The following DCP2 variants were observed in gnomAD, a reference collection of about 807,000 sequenced individuals.
DCP2 encodes m7GpppN-mRNA hydrolase.
In DCP2, 30 loss-of-function variants were observed where a neutral mutation model predicts 56.1. That is an observed-to-expected ratio of 0.53 (90% CI 0.40 to 0.73). The LOEUF is 0.73. DCP2 is among the 30% of genes least tolerant of loss of function. The pLI, the probability that DCP2 is intolerant of heterozygous loss-of-function variation, is 0.00. For missense variants in DCP2, 533 were observed against 502.7 expected (o/e 1.06, Z -0.58); for synonymous variants, 197 against 163.3 (o/e 1.21, Z -1.57).
chr5:112,995,342 TCCTC>T (rs1189663131), intron 4 of DCP2, among the ~76,000 whole-genome samples: 1 of 152,192 alleles, frequency 6.6e-6, no homozygotes, highest in Admixed American at 6.5e-5. Context: ...ATTGTAAAAG[TCCTC>T]CCTTTTATTT....
intron 4 of DCP2, among the ~76,000 whole-genome samples, chr5:112,997,936 A>T (rs774951509): frequency 1.1e-4 from 16 of 152,028 alleles, no homozygotes; most frequent in African/African-American, 1.4e-4. Context: ...TTTAAAAAAA[A>T]TTTTATTTGT....
rs781644054 is a variant in DCP2, at chr5:112,976,946, C to A, written c.13C>A (p.Arg5=). The change falls in exon 1 of 11, where the codon CGG becomes AGG. Residue 5 remains arginine, a synonymous_variant. Transcript: ENST00000389063. ...GTGGGTCCTCATCATGGAGACCAAA[C>A]GGGTGGAGATTCCCGGCAGCGTCCT... is the stretch of plus-strand genomic sequence containing the variant. The part of the protein sequence containing the change: METK[R]VEIPGSVLDD... 3.7e-6 allele frequency: 6 copies of A among 1,604,562 alleles called. No individual in the cohort carries two copies. Among genetic ancestry groups the A allele is most frequent in the African/African-American group, 1.3e-5 (1 of 74,686 alleles).
At chr5:112,991,407 C>T (rs1748581617) in intron 2 of DCP2, among the ~76,000 whole-genome samples, 1 of 152,122 alleles carries the variant, frequency 6.6e-6, no homozygotes, top group Admixed American at 6.5e-5. Flanking sequence ...ATTTTACTTA[C>T]TTTACTATTA....
chr5:113,007,527 A>G (rs1489734955), intron 8 of DCP2, among the ~76,000 whole-genome samples: 2 of 151,584 alleles, frequency 1.3e-5, no homozygotes, highest in Admixed American at 1.3e-4. Flanking sequence ...CTGCCTCCTG[A>G]GTAGCTGGGA....
chr5:112,977,788 A>T (rs528383815), intron 1 of DCP2, among the ~76,000 whole-genome samples: 286 of 152,264 alleles, frequency 1.9e-3, no homozygotes, highest in Non-Finnish European at 3.4e-3. Flanking sequence ...GTGCAGTGAT[A>T]CCCGGAGTTG....
At chr5:112,987,341 A>C (rs867619318) in intron 2 of DCP2, among the ~76,000 whole-genome samples, 15 of 152,334 alleles carry the variant, frequency 9.8e-5, no homozygotes, top group Middle Eastern at 6.8e-3. Context: ...TGAATTGAAC[A>C]GCGTCCTCTC....
intron 10 of DCP2, among the ~76,000 whole-genome samples, chr5:113,011,516 C>T (rs1318006917): frequency 1.3e-5 from 2 of 152,178 alleles, no homozygotes; most frequent in Non-Finnish European, 2.9e-5. Flanking sequence ...AGTAGATACT[C>T]ATTTATTCAC....
In DCP2 at chr5:113,008,305, T is replaced by C. The variant is rs368944617; in HGVS notation, c.1047+263T>C. ...TAATATCAATGTGTACTCAAACCTG[T>C]TCTCTAGAGCAATTATTTGGCTATT... On this transcript the variant is annotated intron_variant, in intron 9 of 10. Coordinates refer to ENST00000389063, the MANE Select transcript of DCP2 (RefSeq NM_152624.6). 1.4e-4 allele frequency: 42 copies of C among 291,562 alleles called. 1 individual carries two copies. The highest frequency in any genetic ancestry group is 8.2e-4 in the African/African-American group (38 of 46,612). 18.1% of individuals were successfully genotyped at this position (291,562 alleles called of 1,614,324 possible). A position where few individuals can be genotyped will look rare whatever the true frequency, so the allele number is the denominator to read the frequency against.
Position 113,001,481 on chromosome 5 carries a change from TTTCTTGAAATGTAAC to T in DCP2, c.698+15_698+29del. The T allele has an allele frequency of 6.2e-7, 1 of 1,610,696 alleles. No homozygotes were observed. Among genetic ancestry groups the T allele is most frequent in the Non-Finnish European group, 8.5e-7 (1 of 1,177,288 alleles). On this transcript the variant is annotated intron_variant, in intron 6 of 10. Coordinates refer to ENST00000389063, the MANE Select transcript of DCP2 (RefSeq NM_152624.6). Reference sequence around the variant, plus strand: ...ATTCCCTTTATCAGGTGTGTTCATATTTCTTGAAATGTAACTTTCATGATTGGGATAGTCATCTTC... The same window carrying T: ...ATTCCCTTTATCAGGTGTGTTCATATTTTCATGATTGGGATAGTCATCTTC...
rs1580842745 is a variant in DCP2, at chr5:113,015,019, T to C, written c.*1535T>C. The C allele has an allele frequency of 6.6e-6, 1 of 152,664 alleles. No homozygotes were observed. Among genetic ancestry groups the C allele is most frequent in the African/African-American group, 2.4e-5 (1 of 41,448 alleles). The allele number at this position is 152,664 out of a possible 1,614,324, so 9.5% of individuals were successfully genotyped here. A position where few individuals can be genotyped will look rare whatever the true frequency, so the allele number is the denominator to read the frequency against. ...ATTTATTAATGAAAGTGTCACCCTT[T>C]TGGTGCTAAGCAGGAGAATTCACAA... On this transcript the variant is annotated 3_prime_UTR_variant, in exon 11 of 11. Coordinates refer to ENST00000389063, the MANE Select transcript of DCP2 (RefSeq NM_152624.6).
intron 1 of DCP2, chr5:112,984,329 A>G (rs1748145011): frequency 6.6e-6 from 1 of 152,204 alleles, no homozygotes; most frequent in African/African-American, 2.4e-5. Context: ...TCACATACAC[A>G]TCTAGATGGA....
At position 113,008,062 on chromosome 5, in the gene DCP2, C is replaced by T; in HGVS notation, c.1047+20C>T. On this transcript the variant is annotated intron_variant, in intron 9 of 10. Coordinates refer to ENST00000389063, the MANE Select transcript of DCP2 (RefSeq NM_152624.6). ...TTGATGGTAAGAGTTATAGCTGTCA[C>T]ACTAAGTAGGCAGTTCATCCTCTGA... The T allele has an allele frequency of 6.3e-7, 1 of 1,592,464 alleles. No homozygotes were observed. Among genetic ancestry groups the T allele is most frequent in the Non-Finnish European group, 8.6e-7 (1 of 1,161,470 alleles).
intron 1 of DCP2, among the ~76,000 whole-genome samples, chr5:112,980,523 A>G (rs1266370576): frequency 2.6e-5 from 4 of 152,238 alleles, no homozygotes; most frequent in Non-Finnish European, 5.9e-5. Flanking sequence ...TTGTAATGGA[A>G]AGCATTTTAT....
chr5:112,984,205 G>A (rs1199214852), intron 1 of DCP2: 1 of 151,988 alleles, frequency 6.6e-6, no homozygotes, highest in Non-Finnish European at 1.5e-5. Context: ...CTGAATTGTG[G>A]GGAAAAAAAA....
chr5:113,001,130 A>G lies in DCP2; in HGVS notation c.479A>G (p.Asp160Gly). ...GFDIKDYICK[D>G]DYIELRINDQ... ...GATATCAAAGACTATATTTGTAAGG[A>G]TGATTACATTGAACTTCGAATCAAT... is the stretch of plus-strand genomic sequence containing the variant. Residue 160 changes from aspartate to glycine, a missense_variant, in exon 5 of 11, where the codon GAT (aspartate) becomes GGT (glycine). Around this residue, in one of 3 missense-constraint regions of DCP2, gnomAD observed 392 missense variants for 346.6 expected, o/e 1.13. Coordinates refer to ENST00000389063, the MANE Select transcript of DCP2 (RefSeq NM_152624.6). The G allele has an allele frequency of 1.2e-6, 2 of 1,613,710 alleles. No homozygotes were observed. The highest frequency in any genetic ancestry group is 1.7e-6 in the Non-Finnish European group (2 of 1,179,902).
chr5:113,000,413 C>CAA (rs1561697575), intron 4 of DCP2, among the ~76,000 whole-genome samples: 3 of 110,624 alleles, frequency 2.7e-5, no homozygotes, highest in Non-Finnish European at 3.9e-5. Flanking sequence ...CACACACACA[C>CAA]ACACACACAC....
intron 1 of DCP2, among the ~76,000 whole-genome samples, chr5:112,978,621 A>C (rs1747842903): frequency 2.6e-5 from 4 of 152,026 alleles, no homozygotes; most frequent in African/African-American, 2.4e-5. Context: ...TAGATTTATA[A>C]TTTTTGAAGT....
At chr5:112,977,371 C>T (rs1007214407) in intron 1 of DCP2, among the ~76,000 whole-genome samples, 50 of 152,182 alleles carry the variant, frequency 3.3e-4, no homozygotes, top group Admixed American at 2.8e-3. Context: ...CCCCCTCCTC[C>T]CTGTGTCTCA....
intron 2 of DCP2, among the ~76,000 whole-genome samples, chr5:112,989,674 C>T (rs1580803974): frequency 2.0e-5 from 3 of 152,136 alleles, no homozygotes; most frequent in Admixed American, 6.5e-5. Context: ...AAGAACATGA[C>T]AACTGCCATC....
Sources: allele counts gnomAD v4.1 joint callset (sites outside exome capture counted in the v4.1 genomes callset), GRCh38; gene constraint gnomAD v4.1.1; regional missense constraint gnomAD v4.1.1; transcripts MANE v1.5; gene names NCBI Gene and HGNC (gene_info 2026-07-23, HGNC 2026-07-21).